CCDC138: variants seen among roughly 807,000 people sequenced by gnomAD.
The protein encoded by CCDC138 is coiled-coil domain containing 138, also known as coiled-coil domain-containing protein 138.
Under a neutral mutation model 82.3 loss-of-function variants are expected in CCDC138, and 66 were observed. The ratio of observed to expected loss-of-function variants is 0.80; its 90% CI spans 0.66 to 0.98. The LOEUF is 0.98. CCDC138 is among the 50% of genes least tolerant of loss of function. CCDC138 has a pLI of 0.00. For missense variants in CCDC138, 816 were observed against 758.9 expected, an observed-to-expected ratio of 1.08 and a Z score of -0.88; for synonymous variants, 297 against 265.4, an observed-to-expected ratio of 1.12 and a Z score of -1.16.
intron 13 of CCDC138, among the ~76,000 whole-genome samples, chr2:108,858,865 G>T (rs1360950338): frequency 6.6e-6 from 1 of 151,950 alleles, no homozygotes; most frequent in Non-Finnish European, 1.5e-5. Context: ...ATTTTTTATG[G>T]TTGTATAGTA....
At chr2:108,862,771 G>A (rs181892928) in intron 13 of CCDC138, among the ~76,000 whole-genome samples, 1 of 151,748 alleles carries the variant, frequency 6.6e-6, no homozygotes, top group Non-Finnish European at 1.5e-5. Flanking sequence ...TTCCACAAAC[G>A]GTTTTCTTGA....
intron 3 of CCDC138, among the ~76,000 whole-genome samples, chr2:108,791,069 A>G (rs952226575): frequency 2.2e-4 from 34 of 152,148 alleles, no homozygotes; most frequent in African/African-American, 8.0e-4. Context: ...TTCTATCCTA[A>G]TAATTTTTAA....
intron 10 of CCDC138, among the ~76,000 whole-genome samples, chr2:108,834,162 T>G (rs533826995): frequency 6.6e-6 from 1 of 152,014 alleles, no homozygotes; most frequent in East Asian, 1.9e-4. Context: ...ATTGCATATT[T>G]TTATCTGTTA....
intron 13 of CCDC138, among the ~76,000 whole-genome samples, chr2:108,865,856 C>T (rs541993601): frequency 7.9e-5 from 12 of 152,246 alleles, no homozygotes; most frequent in Admixed American, 5.2e-4. Context: ...CCCAAATTGC[C>T]ATGAGTGGCC....
intron 10 of CCDC138, among the ~76,000 whole-genome samples, chr2:108,818,255 C>T (rs901266815): frequency 1.3e-5 from 2 of 152,016 alleles, no homozygotes; most frequent in African/African-American, 2.4e-5. Flanking sequence ...TGCAGTGAGC[C>T]GTGATTGTAC....
At chr2:108,835,139 A>G (rs144787569) in intron 10 of CCDC138, among the ~76,000 whole-genome samples, 24 of 152,372 alleles carry the variant, frequency 1.6e-4, no homozygotes, top group African/African-American at 5.8e-4. Context: ...TCTGACAACA[A>G]AGGAAGTTTA....
At chr2:108,800,945 A>C (rs1167455805) in intron 6 of CCDC138, among the ~76,000 whole-genome samples, 1 of 110,056 alleles carries the variant, frequency 9.1e-6, no homozygotes, top group Non-Finnish European at 1.9e-5. Context: ...TGTCCCTACA[A>C]AGGACATAAA....
downstream of CCDC138, among the ~76,000 whole-genome samples, chr2:108,877,200 G>T (rs557690272): frequency 2.6e-5 from 4 of 152,256 alleles, no homozygotes; most frequent in African/African-American, 9.6e-5. Context: ...AGGCGCGGTG[G>T]CTTACGCCTG....
chr2:108,804,898 G>A lies in CCDC138; in HGVS notation c.745G>A (p.Ala249Thr). 6.4e-7 allele frequency: 1 copy of A among 1,553,520 alleles called. No homozygotes were observed. The highest frequency in any genetic ancestry group is 2.3e-5 in the East Asian group (1 of 42,710). The change falls in exon 7 of 15, where the codon GCA becomes ACA. Residue 249 changes from alanine to threonine, a missense_variant. Ala to Thr is a moderately conservative substitution (Grantham distance 58). Coordinates refer to ENST00000295124, the MANE Select transcript of CCDC138 (RefSeq NM_144978.3). ...TTTTTTCTCCTCCTAGCAGCATGAT[G>A]CAGAAGTTGAACACTTAACCGAAGT... ...RFQIIKEQHD[A>T]EVEHLTEVLK...
chr2:108,798,094 T>C (rs1339330192), intron 5 of CCDC138, among the ~76,000 whole-genome samples: 2 of 151,742 alleles, frequency 1.3e-5, no homozygotes, highest in Non-Finnish European at 2.9e-5. Flanking sequence ...GTGGAGGGTA[T>C]AGGTAAAATA....
chr2:108,846,976 G>T (rs2150633136), intron 12 of CCDC138, 46 bp downstream of exon 12: 1 of 1,040,672 alleles, frequency 9.6e-7, no homozygotes, highest in South Asian at 1.4e-5. Context: ...AAACAATAGA[G>T]AATATCATAT....
At chr2:108,878,534 G>A, downstream of CCDC138, 1 of 213,778 alleles carries the variant, frequency 4.7e-6, no homozygotes. Context: ...ATATCAGACT[G>A]AAAATGTCAC....
At chr2:108,866,886 A>G (rs1694501936) in intron 13 of CCDC138, among the ~76,000 whole-genome samples, 1 of 152,126 alleles carries the variant, frequency 6.6e-6, no homozygotes, top group Non-Finnish European at 1.5e-5. Flanking sequence ...GTCTGAAAAA[A>G]AAAAAGGAAA....
chr2:108,879,714 G>T (rs1574350903), downstream of CCDC138, among the ~76,000 whole-genome samples: 1 of 152,038 alleles, frequency 6.6e-6, no homozygotes, highest in Admixed American at 6.5e-5. Context: ...AAAGAAATGG[G>T]GTTAGGGAGA....
At chr2:108,791,859 A>G (rs1275209138) in intron 4 of CCDC138, 57 bp downstream of exon 4, 1 of 1,486,962 alleles carries the variant, frequency 6.7e-7, no homozygotes, top group East Asian at 2.3e-5. Flanking sequence ...AGTAGAGTAA[A>G]TGAAGCTTCC....
In CCDC138 at chr2:108,796,118, G is replaced by A. The variant is rs911919899; in HGVS notation, c.576+1397G>A. On this transcript the variant is annotated intron_variant, in intron 5 of 14. Coordinates refer to ENST00000295124, the MANE Select transcript of CCDC138 (RefSeq NM_144978.3). The stretch of plus-strand genomic sequence containing the variant: ...GGCTGGAGTGCAGTGGCGCAATCTC[G>A]GCTCACTGCAAGCTCCGCCTCCTGG... Among the ~76,000 whole-genome samples the A allele has an allele frequency of 1.5e-4, 23 of 152,102 alleles. No homozygotes were observed. In the East Asian group the frequency reaches 3.9e-3, roughly 26 times the overall value.
chr2:108,877,934 A>G (rs370785700), downstream of CCDC138, among the ~76,000 whole-genome samples: 63 of 152,348 alleles, frequency 4.1e-4, 1 homozygote, highest in South Asian at 0.012. Flanking sequence ...CTGGAAGGTA[A>G]TAGGGAGCTC....
chr2:108,851,943 T>G (rs541481873), intron 12 of CCDC138, among the ~76,000 whole-genome samples: 1 of 152,180 alleles, frequency 6.6e-6, no homozygotes, highest in Non-Finnish European at 1.5e-5. Context: ...GCCAAAACGA[T>G]ACAATCTGCA....
intron 12 of CCDC138, among the ~76,000 whole-genome samples, chr2:108,849,679 A>AG (rs1691114628): frequency 6.6e-6 from 1 of 152,176 alleles, no homozygotes; most frequent in Non-Finnish European, 1.5e-5. Context: ...AAAAAGAAAA[A>AG]AAAATCTGAC....
Sources: allele counts gnomAD v4.1 joint callset (sites outside exome capture counted in the v4.1 genomes callset), GRCh38; gene constraint gnomAD v4.1.1; transcripts MANE v1.5; gene names NCBI Gene and HGNC (gene_info 2026-07-23, HGNC 2026-07-21).